The following MICAL3 variants were observed in gnomAD, a reference collection of about 807,000 sequenced individuals.
MICAL3 encodes the protein [F-actin]-monooxygenase MICAL3.
In MICAL3, 62 loss-of-function variants were observed where a neutral mutation model predicts 207.4. The ratio of observed to expected loss-of-function variants is 0.30; its 90% confidence interval spans 0.24 to 0.37. The LOEUF (loss-of-function observed/expected upper bound fraction) is 0.37. Among genes scored for constraint, MICAL3 ranks in the 10% least tolerant of loss-of-function variants. The probability of loss-of-function intolerance (pLI) is 1.00; values close to 1 mark genes in which losing one functional copy is unlikely to be tolerated. For synonymous variants in MICAL3, 1,077 were observed against 1,069.3 expected, an observed-to-expected ratio of 1.01 and a Z score of -0.14; for missense variants, 2,368 against 2,635.6, an observed-to-expected ratio of 0.90 and a Z score of 2.22.
intron 1 of MICAL3, among the ~76,000 whole-genome samples, chr22:17,925,064 T>G (rs554616794): frequency 4.6e-5 from 7 of 152,312 alleles, no homozygotes; most frequent in Admixed American, 1.3e-4. Context: ...GATATTGGGC[T>G]CTGGATCCTG....
chr22:17,930,715 T>C (rs1324421942), intron 1 of MICAL3, among the ~76,000 whole-genome samples: 1 of 152,198 alleles, frequency 6.6e-6, no homozygotes, highest in Non-Finnish European at 1.5e-5. Context: ...GGGAACTGTC[T>C]CCCAGGGCCC....
At chr22:17,819,271 G>T in intron 25 of MICAL3, 142 bp from the exon 26 acceptor site, 2 of 843,334 alleles carry the variant, frequency 2.4e-6, no homozygotes, top group Non-Finnish European at 3.3e-6. Context: ...TATTAGAACA[G>T]CTCCAGGAAA....
At chr22:17,879,622 G>A (rs1450055545) in intron 16 of MICAL3, among the ~76,000 whole-genome samples, 2 of 152,076 alleles carry the variant, frequency 1.3e-5, no homozygotes, top group South Asian at 2.1e-4. Flanking sequence ...GGCCTCCGAC[G>A]AGGCCAGCTA....
At chr22:18,010,883 C>T (rs531662716) in intron 1 of MICAL3, among the ~76,000 whole-genome samples, 7 of 149,408 alleles carry the variant, frequency 4.7e-5, no homozygotes, top group Non-Finnish European at 8.8e-5. Context: ...TGGGGTATGC[C>T]TTTCCCCATA....
chr22:17,814,981 T>TC (rs2062088891), intron 27 of MICAL3: 1 of 152,234 alleles, frequency 6.6e-6, no homozygotes, highest in Non-Finnish European at 1.5e-5. Context: ...AGGTCATCCA[T>TC]CCCCTAGCTC....
intron 19 of MICAL3, among the ~76,000 whole-genome samples, chr22:17,857,708 C>T (rs1028032785): frequency 1.3e-5 from 2 of 152,248 alleles, no homozygotes; most frequent in East Asian, 3.8e-4. Context: ...AGCATGGCCC[C>T]AAGAGTCTGC....
intron 20 of MICAL3, 138 bp from the exon 21 acceptor site, chr22:17,832,245 G>A (rs1162943312): frequency 8.6e-7 from 1 of 1,158,690 alleles, no homozygotes; most frequent in Non-Finnish European, 1.2e-6. Context: ...GGAGGGAGGA[G>A]AGAGCGGCAT....
At chr22:17,946,844 C>G (rs984015735) in intron 1 of MICAL3, among the ~76,000 whole-genome samples, 3 of 152,190 alleles carry the variant, frequency 2.0e-5, no homozygotes, top group African/African-American at 7.2e-5. Context: ...TTTTTAACCT[C>G]TGGTCTTTCC....
At position 17,927,683 on chromosome 22, in the gene MICAL3, G is replaced by A. The variant is rs541130947; in HGVS notation, c.-74-20797C>T. Among the ~76,000 whole-genome samples, 7 of 151,986 alleles carry A rather than the reference G, an allele frequency of 4.6e-5. No homozygotes were observed. The South Asian group carries it at 1.2e-3, about 27-fold the overall frequency. On this transcript the variant is annotated intron_variant, in intron 1 of 31. Transcript: ENST00000441493. Reference sequence around the variant, plus strand: ...AGCCTAGAACACACTTTCCCCACCCGTGCACACACTTCTCTGAACCTCTGC... The same window carrying A: ...AGCCTAGAACACACTTTCCCCACCCATGCACACACTTCTCTGAACCTCTGC...
intron 1 of MICAL3, among the ~76,000 whole-genome samples, chr22:18,020,913 CAAATAAATAAATAAATAAATAAAT>C (rs200685200): frequency 1.1e-4 from 15 of 134,212 alleles, no homozygotes; most frequent in Non-Finnish European, 2.2e-4. Flanking sequence ...GACCCTGTCT[CAAATAAATAAATAAATAAATAAAT>C]AAATAAATAA....
chr22:17,974,277 G>T (rs5992933), intron 1 of MICAL3, among the ~76,000 whole-genome samples: 30,128 of 152,210 alleles, frequency 0.2, 3,193 homozygotes, highest in Middle Eastern at 0.27. Context: ...TCAGGGGACT[G>T]CTGTGAGAAG....
chr22:17,830,610 G>A lies in MICAL3; in HGVS notation c.3055+1244C>T, dbSNP rs555532712. 1.6e-4 allele frequency among the ~76,000 whole-genome samples: 24 copies of A among 152,350 alleles called. No homozygotes were observed. In the Middle Eastern group the frequency reaches 0.01, roughly 65 times the overall value. Reference sequence around the variant, plus strand: ...CACTCTGCTGGCTAGCAGAGGCCACGCCGGCACCTGGCTCCGCAGACACGG... The same window carrying A: ...CACTCTGCTGGCTAGCAGAGGCCACACCGGCACCTGGCTCCGCAGACACGG... On this transcript the variant is annotated intron_variant, in intron 21 of 31. Coordinates refer to ENST00000441493, the MANE Select transcript of MICAL3 (RefSeq NM_015241.3).
intron 20 of MICAL3, chr22:17,839,925 A>AT (rs1923832419): frequency 9.4e-6 from 1 of 106,936 alleles, no homozygotes; most frequent in African/African-American, 4.0e-5. Flanking sequence ...ACTTTTAATT[A>AT]TCTTTTTTTT....
At chr22:17,932,993 G>A (rs1190611681) in intron 1 of MICAL3, among the ~76,000 whole-genome samples, 1 of 152,142 alleles carries the variant, frequency 6.6e-6, no homozygotes, top group Non-Finnish European at 1.5e-5. Context: ...GACCTACAAA[G>A]AGACTTAGAA....
chr22:17,863,057 T>G (rs1443801910), intron 19 of MICAL3: 1 of 985,294 alleles, frequency 1.0e-6, no homozygotes, highest in Admixed American at 6.2e-5. Context: ...CTCTCCCCAC[T>G]ATGTAGAACA....
chr22:17,879,344 A>C, intron 16 of MICAL3: 1 of 1,607,626 alleles, frequency 6.2e-7, no homozygotes. Context: ...ATGCTCTTTT[A>C]CCCTCTCATG....
rs35096617 is a variant in MICAL3 at position 17,919,076 on chromosome 22, G to GTT, written c.-74-12192_-74-12191dup. ...CTCCAAATGTTTTTGGTTTTTGTGG[G>GTT]TTTTTTTTTTTTTTGAGACAGGCTC... On this transcript the variant is annotated intron_variant, in intron 1 of 31. Transcript: ENST00000441493. Among the ~76,000 whole-genome samples the GTT allele has an allele frequency of 6.2e-4, 85 of 136,510 alleles. 2 individuals are homozygous for GTT. Among genetic ancestry groups the GTT allele is most frequent in the Non-Finnish European group, 7.4e-4 (48 of 65,138 alleles). 89.6% of individuals were successfully genotyped at this position (136,510 alleles called of 152,430 possible).
chr22:17,991,091 A>G (rs1439079381), intron 1 of MICAL3, among the ~76,000 whole-genome samples: 1 of 152,258 alleles, frequency 6.6e-6, no homozygotes, highest in Non-Finnish European at 1.5e-5. Context: ...TGAATACTGC[A>G]TGAGCAGAGG....
intron 17 of MICAL3, among the ~76,000 whole-genome samples, chr22:17,866,416 C>T (rs954435595): frequency 5.9e-5 from 9 of 152,144 alleles, no homozygotes; most frequent in Non-Finnish European, 1.3e-4. Flanking sequence ...AGGGTGGAGG[C>T]GTGGAGGCTG....
Sources: allele counts gnomAD v4.1 joint callset (sites outside exome capture counted in the v4.1 genomes callset), GRCh38; gene constraint gnomAD v4.1.1; transcripts MANE v1.5; gene names NCBI Gene and HGNC (gene_info 2026-07-23, HGNC 2026-07-21).